Variants in IGF2BP3 observed in about 807,000 individuals in gnomAD.
IGF2BP3 encodes insulin like growth factor 2 mRNA binding protein 3.
A neutral mutation model predicts 73.8 loss-of-function variants in IGF2BP3; 9 were observed. That is an observed-to-expected ratio of 0.12 (90% confidence interval 0.07 to 0.21). IGF2BP3 has a LOEUF of 0.21. Ranked by LOEUF, IGF2BP3 falls within the 10% of genes least tolerant of loss-of-function variation. The probability of loss-of-function intolerance (pLI) is 1.00; values close to 1 mark genes in which losing one functional copy is unlikely to be tolerated. For synonymous variants in IGF2BP3, 258 were observed against 256.7 expected (o/e 1.01, Z -0.05); for missense variants, 542 against 714.0 (o/e 0.76, Z 2.75).
chr7:23,395,468 T>C (rs1786422440), intron 3 of IGF2BP3, among the ~76,000 whole-genome samples: 1 of 151,962 alleles, frequency 6.6e-6, no homozygotes, highest in African/African-American at 2.4e-5. Context: ...TCAATAAAAC[T>C]CAATGACCTC....
intron 2 of IGF2BP3, among the ~76,000 whole-genome samples, chr7:23,426,727 G>C (rs1037713255): frequency 2.6e-5 from 4 of 152,172 alleles, no homozygotes; most frequent in African/African-American, 4.8e-5. Flanking sequence ...TCATATTTGA[G>C]AGAGGCAATA....
At chr7:23,370,675 GTTTT>G (rs895564098) in intron 3 of IGF2BP3, among the ~76,000 whole-genome samples, 1 of 148,246 alleles carries the variant, frequency 6.7e-6, no homozygotes, top group African/African-American at 2.6e-5. Flanking sequence ...AGGTTTTTTG[GTTTT>G]TTTGTTTTTT....
intron 12 of IGF2BP3, among the ~76,000 whole-genome samples, chr7:23,317,227 A>G (rs1784016329): frequency 6.6e-6 from 1 of 152,208 alleles, no homozygotes; most frequent in African/African-American, 2.4e-5. Context: ...TGTAGAGTCT[A>G]TGGGCAGGGT....
rs1666515897 is a variant in IGF2BP3 at position 23,310,871 on chromosome 7, ATCAAT to A, written c.*1486_*1490del. 2 of 152,194 alleles carry A rather than the reference ATCAAT, an allele frequency of 1.3e-5. No individual in the cohort carries two copies. Among genetic ancestry groups the A allele is most frequent in the African/African-American group, 2.4e-5 (1 of 41,450 alleles). The allele number at this position is 152,194 out of a possible 1,614,324, so 9.4% of individuals were successfully genotyped here. ...TCATCTTACAAACAAAACTCAAAAAATCAATTCAGAGAGCAGCGTGGCCTTGGAGA... is the reference window on the plus strand; with the variant it reads ...TCATCTTACAAACAAAACTCAAAAAATCAGAGAGCAGCGTGGCCTTGGAGA... On this transcript the variant is annotated 3_prime_UTR_variant, in exon 15 of 15. Coordinates refer to ENST00000258729, the MANE Select transcript of IGF2BP3 (RefSeq NM_006547.3).
intron 3 of IGF2BP3, among the ~76,000 whole-genome samples, chr7:23,403,189 G>T (rs1323029156): frequency 2.0e-5 from 3 of 151,988 alleles, no homozygotes; most frequent in Admixed American, 2.0e-4. Context: ...ATTATATTTT[G>T]GTCTGCTTAT....
At chr7:23,321,408 G>T (rs181727947) in intron 10 of IGF2BP3, among the ~76,000 whole-genome samples, 1 of 152,220 alleles carries the variant, frequency 6.6e-6, no homozygotes, top group African/African-American at 2.4e-5. Context: ...CCCGCACCTG[G>T]CTCGGAGGGT....
chr7:23,388,626 T>TC (rs1786166873), intron 3 of IGF2BP3, among the ~76,000 whole-genome samples: 1 of 151,618 alleles, frequency 6.6e-6, no homozygotes, highest in South Asian at 2.1e-4. Context: ...TTTTTTTTTT[T>TC]TTCCAGTCCA....
At chr7:23,468,610 A>G (rs938924453) in intron 1 of IGF2BP3, 68 bp from the exon 2 acceptor site, 6 of 1,527,116 alleles carry the variant, frequency 3.9e-6, no homozygotes, top group Admixed American at 3.3e-5. Flanking sequence ...AGACCCGCAC[A>G]GCCCAAGCGG....
chr7:23,377,254 A>G (rs1232391946), intron 3 of IGF2BP3, among the ~76,000 whole-genome samples: 4 of 152,216 alleles, frequency 2.6e-5, no homozygotes, highest in African/African-American at 9.6e-5. Context: ...CATCTAGCAT[A>G]TACAAAGAAC....
intron 2 of IGF2BP3, among the ~76,000 whole-genome samples, chr7:23,453,330 C>T (rs1412757824): frequency 6.6e-6 from 1 of 152,158 alleles, no homozygotes; most frequent in East Asian, 1.9e-4. Flanking sequence ...TAGGCAATTG[C>T]AAAATGTCCC....
chr7:23,315,116 TTTTTA>T (rs1465143109), intron 12 of IGF2BP3, among the ~76,000 whole-genome samples: 1 of 151,478 alleles, frequency 6.6e-6, no homozygotes, highest in Non-Finnish European at 1.5e-5. Flanking sequence ...CTTTTATTTT[TTTTTA>T]TTTTTTTATT....
intron 3 of IGF2BP3, among the ~76,000 whole-genome samples, chr7:23,376,777 AGG>A (rs1432764239): frequency 6.6e-6 from 1 of 152,138 alleles, no homozygotes; most frequent in Non-Finnish European, 1.5e-5. Context: ...CTGAGGCAGG[AGG>A]TTGGCTTGGC....
intron 2 of IGF2BP3, among the ~76,000 whole-genome samples, chr7:23,428,132 T>C (rs1787565272): frequency 6.6e-6 from 1 of 151,530 alleles, no homozygotes; most frequent in Admixed American, 6.6e-5. Flanking sequence ...GCCAAGATCA[T>C]GCCACTGCAC....
At chr7:23,422,907 T>C (rs1787390853) in intron 2 of IGF2BP3, among the ~76,000 whole-genome samples, 1 of 152,202 alleles carries the variant, frequency 6.6e-6, no homozygotes, top group Admixed American at 6.5e-5. Flanking sequence ...GCAATTCTCC[T>C]GCCTCAGCCT....
At chr7:23,445,509 G>A (rs1477843320) in intron 2 of IGF2BP3, among the ~76,000 whole-genome samples, 1 of 151,408 alleles carries the variant, frequency 6.6e-6, no homozygotes, top group African/African-American at 2.4e-5. Flanking sequence ...TACTTAGTAT[G>A]ACTAAGTAAA....
intron 5 of IGF2BP3, among the ~76,000 whole-genome samples, chr7:23,356,519 T>C (rs1265910391): frequency 6.6e-6 from 1 of 152,202 alleles, no homozygotes; most frequent in Non-Finnish European, 1.5e-5. Flanking sequence ...ATTGTGCCAC[T>C]GCACTCCCAA....
At chr7:23,438,060 A>G (rs986451436) in intron 2 of IGF2BP3, among the ~76,000 whole-genome samples, 5 of 152,246 alleles carry the variant, frequency 3.3e-5, no homozygotes, top group Non-Finnish European at 7.3e-5. Flanking sequence ...ATTGTTCAAT[A>G]TAATAACAAC....
At chr7:23,314,586 T>C (rs1783926234) in intron 12 of IGF2BP3, among the ~76,000 whole-genome samples, 1 of 150,376 alleles carries the variant, frequency 6.6e-6, no homozygotes, top group African/African-American at 2.4e-5. Context: ...GTATTACCAG[T>C]GCAAGCCACC....
rs1223009994 is a variant in IGF2BP3, at chr7:23,311,601, C to CA, written c.*760dup. 6.6e-6 allele frequency: 1 copy of CA among 152,314 alleles called. No homozygotes were observed. Among genetic ancestry groups the CA allele is most frequent in the Non-Finnish European group, 1.5e-5 (1 of 68,010 alleles). The allele number at this position is 152,314 out of a possible 1,614,324, so 9.4% of individuals were successfully genotyped here. A position where few individuals can be genotyped will look rare whatever the true frequency, so the allele number is the denominator to read the frequency against. ...TAACTAATAACTGTGTCAAAAGCCT[C>CA]AAAAAACCCTGAAATTAATTTTCCA... On this transcript the variant is annotated 3_prime_UTR_variant, in exon 15 of 15. Transcript: ENST00000258729.
Sources: allele counts gnomAD v4.1 joint callset (sites outside exome capture counted in the v4.1 genomes callset), GRCh38; gene constraint gnomAD v4.1.1; transcripts MANE v1.5; gene names NCBI Gene and HGNC (gene_info 2026-07-23, HGNC 2026-07-21).